NOL3: variants seen among roughly 807,000 people sequenced by gnomAD.
The protein encoded by NOL3 is muscle-enriched cytoplasmic protein.
Under a neutral mutation model 19.2 loss-of-function variants are expected in NOL3, and 18 were observed. The ratio of observed to expected loss-of-function variants is 0.94; its 90% confidence interval spans 0.65 to 1.39. The LOEUF is 1.39. Among genes scored for constraint, NOL3 ranks in the 40% most tolerant of loss-of-function variants. The probability of loss-of-function intolerance (pLI) is 0.00; values close to 1 mark genes in which losing one functional copy is unlikely to be tolerated. For synonymous variants in NOL3, 127 were observed against 137.3 expected (o/e 0.93, Z 0.52); for missense variants, 290 against 289.5 (o/e 1.00, Z -0.01).
intron 1 of NOL3, chr16:67,172,955 T>A: frequency 9.0e-6 from 1 of 110,602 alleles, no homozygotes. Context: ...AAAAAATATA[T>A]ATAGCAAGAC....
At chr16:67,175,438 G>A (rs1319870157) in exon 4 of NOL3, 2 of 841,732 alleles carry the variant, frequency 2.4e-6, no homozygotes, top group Non-Finnish European at 3.0e-6. Flanking sequence ...GGCAGCATAT[G>A]TAGGTACCAG....
chr16:67,173,454 G>A (rs1432315500), intron 1 of NOL3, among the ~76,000 whole-genome samples: 1 of 152,198 alleles, frequency 6.6e-6, no homozygotes, highest in Non-Finnish European at 1.5e-5. Context: ...GTTGGTGGGA[G>A]GGTGTAGAGG....
At position 67,174,147 on chromosome 16, in the gene NOL3, C is replaced by T. The variant is rs766730392; in HGVS notation, c.-8-15C>T. 38 of 1,604,952 alleles carry T rather than the reference C, an allele frequency of 2.4e-5. No homozygotes were observed. The East Asian group carries it at 8.0e-4, about 34-fold the overall frequency. ...GGGCAACCCCCCATTACTTCTCTCCCCTTTCCCCATGCAGCCCCGACAATG... is the reference window on the plus strand; with the variant it reads ...GGGCAACCCCCCATTACTTCTCTCCTCTTTCCCCATGCAGCCCCGACAATG... On this transcript the variant is annotated splice_polypyrimidine_tract_variant and intron_variant, in intron 1 of 3. Transcript: ENST00000268605.
At chr16:67,173,095 CA>C (rs914398400) in intron 1 of NOL3, 6,350 of 64,194 alleles carry the variant, frequency 0.099, 317 homozygotes, top group African/African-American at 0.25. Context: ...GACTCCATCT[CA>C]AAAAAAAAAA....
chr16:67,174,951 G>A lies in NOL3; in HGVS notation c.619+7G>A. 1 of 1,610,864 alleles carries A rather than the reference G, an allele frequency of 6.2e-7. No individual in the cohort carries two copies. ...GAAAGGGACGAGTCCGAAGGTGTGAGTCCGCCCAAACCCTGAGCCGGCTTG... is the reference window on the plus strand; with the variant it reads ...GAAAGGGACGAGTCCGAAGGTGTGAATCCGCCCAAACCCTGAGCCGGCTTG... On this transcript the variant is annotated splice_region_variant and intron_variant, in intron 3 of 3. Transcript: ENST00000268605.
exon 3 of NOL3, chr16:67,174,780 A>G: frequency 6.2e-7 from 1 of 1,606,712 alleles, no homozygotes; most frequent in Non-Finnish European, 8.5e-7. Context: ...ACCCCGGAGG[A>G]GCCAGAGCCA....
intron 1 of NOL3, among the ~76,000 whole-genome samples, chr16:67,172,397 G>C (rs71393935): frequency 1.3e-5 from 2 of 152,020 alleles, no homozygotes; most frequent in Non-Finnish European, 2.9e-5. Context: ...TGGATCACGA[G>C]GTCAGGAGTT....
At chr16:67,174,374 G>T (rs988393885) in exon 2 of NOL3, 1 of 1,568,616 alleles carries the variant, frequency 6.4e-7, no homozygotes, top group Admixed American at 1.8e-5. Flanking sequence ...GCAGGGCAAG[G>T]GCGAGGCCGC....
chr16:67,175,151 C>T, exon 4 of NOL3: 1 of 1,601,936 alleles, frequency 6.2e-7, no homozygotes, highest in East Asian at 2.2e-5. Flanking sequence ...CGGTCCAGCC[C>T]AGTACCGCTG....
exon 4 of NOL3, chr16:67,175,143 GTCCAGCCCAGTACC>G: frequency 6.2e-7 from 1 of 1,611,256 alleles, no homozygotes; most frequent in African/African-American, 1.3e-5. Context: ...CCAAGGCTCG[GTCCAGCCCAGTACC>G]GCTGGAAGTG....
At chr16:67,172,409 G>C (rs573671678) in intron 1 of NOL3, among the ~76,000 whole-genome samples, 3 of 149,408 alleles carry the variant, frequency 2.0e-5, no homozygotes, top group Admixed American at 2.0e-4. Context: ...TCAGGAGTTC[G>C]AGACCAGCCT....
chr16:67,175,125 G>A, exon 4 of NOL3: 1 of 1,613,708 alleles, frequency 6.2e-7, no homozygotes, highest in Non-Finnish European at 8.5e-7. Flanking sequence ...GAGCTGAATC[G>A]GATGCCACCA....
intron 1 of NOL3, chr16:67,171,954 G>T: frequency 6.6e-6 from 1 of 152,444 alleles, no homozygotes. Flanking sequence ...TCGGCCTGGT[G>T]GGGAAGGGCT....
chr16:67,173,972 G>T (rs1170872014), intron 1 of NOL3, 190 bp from the exon 2 acceptor site: 1 of 1,537,488 alleles, frequency 6.5e-7, no homozygotes, highest in Non-Finnish European at 8.7e-7. Flanking sequence ...GTCTGGAGAG[G>T]CAGGAGGACA....
rs1408278937 is a variant in NOL3, at chr16:67,170,915, T to C, written c.-9+341T>C. Among the ~76,000 whole-genome samples, 1 of 152,188 alleles carries C rather than the reference T, an allele frequency of 6.6e-6. No individual in the cohort carries two copies. The highest frequency in any genetic ancestry group is 1.5e-5 in the Non-Finnish European group (1 of 68,024). ...CCAGCTCCGTGCCCCGCCACCTGGCTCTCTGGGAAGAATCGGACCTGTCAC... is the reference window on the plus strand; with the variant it reads ...CCAGCTCCGTGCCCCGCCACCTGGCCCTCTGGGAAGAATCGGACCTGTCAC... On this transcript the variant is annotated intron_variant, in intron 1 of 3. Coordinates refer to ENST00000268605, the Ensembl canonical transcript of NOL3. The surrounding 1 kb of genome is among the most constrained non-coding windows in gnomAD (Gnocchi z 5.7).
chr16:67,174,145 C>T lies in NOL3; in HGVS notation c.-8-17C>T, dbSNP rs1220465166. ...GAGGGCAACCCCCCATTACTTCTCT[C>T]CCCTTTCCCCATGCAGCCCCGACAA... On this transcript the variant is annotated splice_polypyrimidine_tract_variant and intron_variant, in intron 1 of 3. Transcript: ENST00000268605. 5.6e-6 allele frequency: 9 copies of T among 1,604,926 alleles called. No homozygotes were observed. The highest frequency in any genetic ancestry group is 7.7e-6 in the Non-Finnish European group (9 of 1,174,960).
Position 67,175,268 on chromosome 16 carries a change from GC to G in NOL3, c.*215del, listed in dbSNP as rs954464429. On this transcript the variant is annotated 3_prime_UTR_variant, in exon 4 of 4. Transcript: ENST00000268605. The stretch of plus-strand genomic sequence containing the variant: ...GTACCTCTGAGTCCCAGGGACCTGG[GC>G]AGGCCCAAGCCCACCACGAGCATCA... 2.8e-6 allele frequency: 4 copies of G among 1,443,980 alleles called. No individual in the cohort carries two copies. The African/African-American group carries it at 5.7e-5, about 21-fold the overall frequency. 89.4% of individuals were successfully genotyped at this position (1,443,980 alleles called of 1,614,324 possible). A position where few individuals can be genotyped will look rare whatever the true frequency, so the allele number is the denominator to read the frequency against.
exon 2 of NOL3, chr16:67,174,409 C>T (rs1357748486): frequency 4.5e-6 from 7 of 1,539,272 alleles, no homozygotes; most frequent in Non-Finnish European, 6.1e-6. Context: ...TACGCTGTGC[C>T]CAGCGTACCG....
chr16:67,174,234 C>CT lies in NOL3; in HGVS notation c.65_66insT (p.Leu23AlafsTer31). On this transcript the variant is annotated frameshift_variant, in exon 2 of 4. Coordinates refer to ENST00000268605, the Ensembl canonical transcript of NOL3. LOFTEE classifies it high-confidence loss of function. ...CGCGAGCGGAAACGCCTGGTCGAGA[C>CT]GCTGCAGGCGGACTCGGGACTGCTG... The CT allele has an allele frequency of 6.2e-7, 1 of 1,613,040 alleles. No homozygotes were observed. The highest frequency in any genetic ancestry group is 2.2e-5 in the East Asian group (1 of 44,880).
Sources: allele counts gnomAD v4.1 joint callset (sites outside exome capture counted in the v4.1 genomes callset), GRCh38; gene constraint gnomAD v4.1.1; non-coding constraint Gnocchi (gnomAD v3.1); transcripts MANE v1.5; gene names NCBI Gene and HGNC (gene_info 2026-07-23, HGNC 2026-07-21).